Variants in MATN2 observed in about 807,000 individuals in gnomAD.
MATN2 encodes the protein matrilin-2.
MATN2 carries 69 observed loss-of-function variants against 103.2 expected under a neutral mutation model. The ratio of observed to expected loss-of-function variants is 0.67; its 90% CI spans 0.55 to 0.82. The LOEUF (loss-of-function observed/expected upper bound fraction) is 0.82. Ranked by LOEUF, MATN2 falls within the 40% of genes least tolerant of loss-of-function variation. The pLI is 0.00. For synonymous variants in MATN2, 429 were observed against 450.2 expected, an observed-to-expected ratio of 0.95 and a Z score of 0.60; for missense variants, 1,023 against 1,211.5, an observed-to-expected ratio of 0.84 and a Z score of 2.31.
intron 10 of MATN2, among the ~76,000 whole-genome samples, chr8:98,009,060 T>C (rs1183857752): frequency 6.6e-6 from 1 of 152,220 alleles, no homozygotes; most frequent in Non-Finnish European, 1.5e-5. Flanking sequence ...ACCATCTACA[T>C]GAGTAAATGT....
intron 3 of MATN2, among the ~76,000 whole-genome samples, chr8:97,935,109 A>C (rs1709832152): frequency 6.6e-6 from 1 of 151,868 alleles, no homozygotes; most frequent in South Asian, 2.1e-4. Context: ...TCTTTCTAAG[A>C]GATAAGGTCT....
intron 7 of MATN2, among the ~76,000 whole-genome samples, chr8:97,998,439 G>C (rs1209718954): frequency 1.4e-5 from 2 of 141,370 alleles, no homozygotes; most frequent in Non-Finnish European, 3.1e-5. Context: ...GGAGAATGGC[G>C]TGAACCTGGG....
chr8:97,915,984 T>C (rs975771987), intron 2 of MATN2, among the ~76,000 whole-genome samples: 55 of 152,298 alleles, frequency 3.6e-4, no homozygotes, highest in African/African-American at 1.2e-3. Context: ...AATTATTTTG[T>C]ATGTATTCAG....
chr8:97,887,994 G>T, intron 1 of MATN2, 81 bp from the exon 2 acceptor site: 1 of 1,347,744 alleles, frequency 7.4e-7, no homozygotes. Flanking sequence ...GAAAAGGCGG[G>T]GCAGCGGGCC....
At chr8:98,029,527 C>G (rs1813928462) in intron 14 of MATN2, among the ~76,000 whole-genome samples, 1 of 152,078 alleles carries the variant, frequency 6.6e-6, no homozygotes, top group Non-Finnish European at 1.5e-5. Context: ...ATGAATTTAA[C>G]TAGTCTTATG....
At chr8:97,930,115 G>A (rs137936530) in intron 2 of MATN2, among the ~76,000 whole-genome samples, 6 of 152,252 alleles carry the variant, frequency 3.9e-5, no homozygotes, top group African/African-American at 9.6e-5. Flanking sequence ...CAAACACCAC[G>A]CATCTATAAG....
intron 7 of MATN2, among the ~76,000 whole-genome samples, chr8:97,998,160 G>A (rs2130365059): frequency 6.6e-6 from 1 of 151,458 alleles, no homozygotes; most frequent in Non-Finnish European, 1.5e-5. Context: ...CAGATTGCTG[G>A]GTGATAACCT....
rs1813574691 is a variant in MATN2 at position 98,021,124 on chromosome 8, C to T, written c.1820-81C>T. ...TATTTTCTTTAAAAGAGATTACTTC[C>T]ACAATCTCTACTCACATGACTATTC... On this transcript the variant is annotated intron_variant, in intron 12 of 18. Transcript: ENST00000254898. 6 of 1,364,242 alleles carry T rather than the reference C, an allele frequency of 4.4e-6. No individual in the cohort carries two copies. In the Admixed American group the frequency reaches 1.1e-4, roughly 24 times the overall value. 84.5% of individuals were successfully genotyped at this position (1,364,242 alleles called of 1,614,324 possible).
chr8:98,030,365 C>CT, intron 14 of MATN2, 97 bp from the exon 15 acceptor site: 1 of 900,220 alleles, frequency 1.1e-6, no homozygotes, highest in South Asian at 1.7e-5. Flanking sequence ...AATCATACCA[C>CT]TTAACATCTA....
In MATN2 at chr8:97,908,947, T is replaced by C. The variant is rs1003228358; in HGVS notation, c.142+20705T>C. ...CCTGCACCAGCCCCTCCCCGCCCCC[T>C]TTTTTTTTTGAGACAGGGTCTCACT... On this transcript the variant is annotated intron_variant, in intron 2 of 18. Coordinates refer to ENST00000254898, the MANE Select transcript of MATN2 (RefSeq NM_002380.5). Among the ~76,000 whole-genome samples, 349 of 146,996 alleles carry C rather than the reference T, an allele frequency of 2.4e-3. 4 individuals are homozygous for C. The highest frequency in any genetic ancestry group is 8.0e-4 in the East Asian group (4 of 5,020).
At chr8:98,010,828 C>T (rs112545299) in intron 10 of MATN2, among the ~76,000 whole-genome samples, 1,596 of 152,324 alleles carry the variant, frequency 0.01, 18 homozygotes, top group African/African-American at 0.036. Flanking sequence ...GCTGGTGATA[C>T]TCCCAGTCCA....
At chr8:97,927,972 A>G (rs536110519) in intron 2 of MATN2, among the ~76,000 whole-genome samples, 13 of 152,222 alleles carry the variant, frequency 8.5e-5, no homozygotes, top group Admixed American at 2.6e-4. Context: ...ATCCTCCTCC[A>G]TGGCAGGGTC....
At chr8:98,035,397 T>C (rs1814202264) in intron 18 of MATN2, among the ~76,000 whole-genome samples, 1 of 150,850 alleles carries the variant, frequency 6.6e-6, no homozygotes, top group East Asian at 1.9e-4. Context: ...AAAATTAAAA[T>C]TAAAAAGACA....
intron 2 of MATN2, among the ~76,000 whole-genome samples, chr8:97,907,252 C>T (rs542209310): frequency 1.1e-4 from 17 of 151,058 alleles, no homozygotes; most frequent in South Asian, 1.0e-3. Context: ...CTGCCTGCCT[C>T]GGCCCCTTAA....
intron 5 of MATN2, among the ~76,000 whole-genome samples, chr8:97,963,858 C>T (rs1403964851): frequency 6.6e-6 from 1 of 152,194 alleles, no homozygotes; most frequent in Non-Finnish European, 1.5e-5. Context: ...GATGATTAAG[C>T]AGGCAGTACT....
At chr8:98,016,474 T>C in intron 10 of MATN2, 66 bp from the exon 11 acceptor site, 2 of 1,412,972 alleles carry the variant, frequency 1.4e-6, no homozygotes, top group South Asian at 1.2e-5. Flanking sequence ...CTTTTATGAT[T>C]GAATAAGCCA....
intron 3 of MATN2, 96 bp from the exon 4 acceptor site, chr8:97,941,681 A>G: frequency 1.4e-6 from 2 of 1,392,332 alleles, no homozygotes; most frequent in Non-Finnish European, 2.0e-6. Flanking sequence ...AGTCCTGCCC[A>G]GAGGAGAGAG....
chr8:97,876,479 G>A (rs986591792), intron 1 of MATN2, among the ~76,000 whole-genome samples: 13 of 152,030 alleles, frequency 8.6e-5, no homozygotes, highest in African/African-American at 3.1e-4. Flanking sequence ...ATGAGCCACC[G>A]CGCCTGGACA....
chr8:97,875,791 G>A (rs1818049924), intron 1 of MATN2, among the ~76,000 whole-genome samples: 2 of 135,316 alleles, frequency 1.5e-5, no homozygotes, highest in Non-Finnish European at 3.1e-5. Context: ...CACCTCCCAG[G>A]TTCACACCAT....
Sources: allele counts gnomAD v4.1 joint callset (sites outside exome capture counted in the v4.1 genomes callset), GRCh38; gene constraint gnomAD v4.1.1; transcripts MANE v1.5; gene names NCBI Gene and HGNC (gene_info 2026-07-23, HGNC 2026-07-21).